The following ZNF322 variants were observed in gnomAD, a reference collection of about 807,000 sequenced individuals.
ZNF322 encodes the protein zinc finger protein 322.
In ZNF322, 1 loss-of-function variant was observed where a neutral mutation model predicts 18.3. The ratio of observed to expected loss-of-function variants is 0.05; its 90% CI spans 0.02 to 0.26. The LOEUF (loss-of-function observed/expected upper bound fraction) is 0.26, where lower values mean the gene tolerates loss of function less well. Among genes scored for constraint, ZNF322 ranks in the 10% least tolerant of loss-of-function variants. The probability of loss-of-function intolerance (pLI) is 1.00; values close to 1 mark genes in which losing one functional copy is unlikely to be tolerated. For synonymous variants in ZNF322, 17 were observed against 130.7 expected, an observed-to-expected ratio of 0.13 and a Z score of 5.93; for missense variants, 36 against 403.6, an observed-to-expected ratio of 0.09 and a Z score of 7.80.
chr6:26,643,519 T>C (rs1481615797), intron 3 of ZNF322, 140 bp downstream of exon 3: 1 of 152,260 alleles, frequency 6.6e-6, no homozygotes, highest in Non-Finnish European at 1.5e-5. Flanking sequence ...TGAGTACATG[T>C]ATGAATTCTC....
chr6:26,644,293 T>G (rs966192941), intron 2 of ZNF322, among the ~76,000 whole-genome samples: 1 of 152,204 alleles, frequency 6.6e-6, no homozygotes, highest in African/African-American at 2.4e-5. Context: ...TCTAGAAGTT[T>G]TAACCTGCCT....
At chr6:26,651,758 C>T (rs968297290) in intron 2 of ZNF322, among the ~76,000 whole-genome samples, 4 of 152,094 alleles carry the variant, frequency 2.6e-5, no homozygotes, top group African/African-American at 9.7e-5. Context: ...GAATCAGATA[C>T]CTAAGTATAA....
At chr6:26,652,644 C>T (rs1379340961) in intron 2 of ZNF322, among the ~76,000 whole-genome samples, 1 of 151,738 alleles carries the variant, frequency 6.6e-6, no homozygotes, top group South Asian at 2.1e-4. Context: ...GAGCTGAGAT[C>T]GCACCATTGC....
In ZNF322 at chr6:26,638,490, G is replaced by T; in HGVS notation, c.64C>A (p.Pro22Thr). The change falls in exon 4 of 4, where the codon CCT becomes ACT. Residue 22 changes from proline (P) to threonine (T), a missense_variant. Physicochemically the swap from Pro to Thr is conservative, Grantham distance 38. Transcript: ENST00000415922. ...ATAAAAATCTTTTTACCCTTCCGAG[G>T]GCATACATTATATATTTTCCTTTTT... ...TQKRKIYNVC[P>T]RKGKKIFIHM... The T allele has an allele frequency of 6.2e-7, 1 of 1,611,036 alleles. No homozygotes were observed. Among genetic ancestry groups the T allele is most frequent in the Non-Finnish European group, 8.5e-7 (1 of 1,178,286 alleles).
intron 3 of ZNF322, among the ~76,000 whole-genome samples, chr6:26,642,809 C>T (rs1554148434): frequency 6.6e-6 from 1 of 152,222 alleles, no homozygotes; most frequent in East Asian, 1.9e-4. Flanking sequence ...CTCCACCTAT[C>T]ACCTGCCTCA....
chr6:26,641,149 G>A (rs148751609), intron 3 of ZNF322, among the ~76,000 whole-genome samples: 1 of 151,900 alleles, frequency 6.6e-6, no homozygotes, highest in East Asian at 1.9e-4. Context: ...CTTTCCTTGC[G>A]AAAGGCACAG....
At chr6:26,659,212 T>C (rs1176503842) in intron 1 of ZNF322, among the ~76,000 whole-genome samples, 1 of 152,246 alleles carries the variant, frequency 6.6e-6, no homozygotes, top group Non-Finnish European at 1.5e-5. Context: ...AAAGATTATA[T>C]TGCTTTGAAA....
intron 2 of ZNF322, among the ~76,000 whole-genome samples, chr6:26,648,117 T>C (rs951472819): frequency 3.3e-5 from 5 of 152,242 alleles, no homozygotes; most frequent in South Asian, 2.1e-4. Flanking sequence ...CATGACCAAG[T>C]GGAATTTTTG....
chr6:26,651,853 G>A (rs1765675833), intron 2 of ZNF322, among the ~76,000 whole-genome samples: 1 of 152,102 alleles, frequency 6.6e-6, no homozygotes, highest in Non-Finnish European at 1.5e-5. Context: ...ATATTTTTGG[G>A]ATGGGTCTCG....
intron 2 of ZNF322, among the ~76,000 whole-genome samples, chr6:26,652,802 AT>A (rs1765695391): frequency 6.6e-6 from 1 of 152,140 alleles, no homozygotes; most frequent in African/African-American, 2.4e-5. Context: ...AAGTTCACTG[AT>A]TGTAAGAAAT....
At position 26,643,706 on chromosome 6, in the gene ZNF322, G is replaced by C. The variant is rs946901232; in HGVS notation, c.-223C>G. 1 of 160,266 alleles carries C rather than the reference G, an allele frequency of 6.2e-6. No homozygotes were observed. The allele number at this position is 160,266 out of a possible 1,614,324, so 9.9% of individuals were successfully genotyped here. ...CATACATTCCTGATCCTGACAATTTGACTTCTCAAAGAAGATAGCATTCTG... is the reference window on the plus strand; with the variant it reads ...CATACATTCCTGATCCTGACAATTTCACTTCTCAAAGAAGATAGCATTCTG... On this transcript the variant is annotated 5_prime_UTR_variant, in exon 3 of 4. Coordinates refer to ENST00000415922, the MANE Select transcript of ZNF322 (RefSeq NM_024639.5).
intron 2 of ZNF322, among the ~76,000 whole-genome samples, chr6:26,650,234 ATAAT>A (rs1313421036): frequency 6.6e-6 from 1 of 152,200 alleles, no homozygotes; most frequent in Non-Finnish European, 1.5e-5. Context: ...GTTCAATCTC[ATAAT>A]TAGAGAAATG....
chr6:26,649,641 G>A (rs374366732), intron 2 of ZNF322, among the ~76,000 whole-genome samples: 6 of 20,808 alleles, frequency 2.9e-4, no homozygotes, highest in East Asian at 1.1e-3. Context: ...ATACATATGT[G>A]TGTGTGTGTG....
chr6:26,644,142 C>T (rs1447648189), intron 2 of ZNF322, among the ~76,000 whole-genome samples: 9 of 152,188 alleles, frequency 5.9e-5, no homozygotes, highest in Admixed American at 2.6e-4. Flanking sequence ...CTGCAACCCA[C>T]GTAATCATCA....
intron 3 of ZNF322, among the ~76,000 whole-genome samples, chr6:26,643,248 T>C (rs1305414078): frequency 2.0e-5 from 3 of 152,178 alleles, no homozygotes; most frequent in Admixed American, 6.5e-5. Flanking sequence ...TCAAAGACTA[T>C]TTTTTCAGAT....
At chr6:26,655,667 C>T (rs1241027546) in intron 2 of ZNF322, among the ~76,000 whole-genome samples, 4 of 152,164 alleles carry the variant, frequency 2.6e-5, no homozygotes, top group African/African-American at 9.7e-5. Context: ...ATCCCCAATT[C>T]AATGATGTCG....
At chr6:26,649,885 T>C (rs1291885878) in intron 2 of ZNF322, among the ~76,000 whole-genome samples, 2 of 150,968 alleles carry the variant, frequency 1.3e-5, no homozygotes, top group Non-Finnish European at 3.0e-5. Flanking sequence ...GTATTTTTAG[T>C]AGAGACGGGG....
At chr6:26,646,190 T>A (rs12212145) in intron 2 of ZNF322, among the ~76,000 whole-genome samples, 11,268 of 152,038 alleles carry the variant, frequency 0.074, 706 homozygotes, top group Non-Finnish European at 0.097. Flanking sequence ...GTTATAACAA[T>A]ATGACATTGT....
At chr6:26,656,695 T>G (rs191157086) in intron 2 of ZNF322, among the ~76,000 whole-genome samples, 7 of 152,250 alleles carry the variant, frequency 4.6e-5, no homozygotes, top group Admixed American at 4.6e-4. Flanking sequence ...TTTTAAAATT[T>G]GTATTAGTGT....
Sources: allele counts gnomAD v4.1 joint callset (sites outside exome capture counted in the v4.1 genomes callset), GRCh38; gene constraint gnomAD v4.1.1; transcripts MANE v1.5; gene names NCBI Gene and HGNC (gene_info 2026-07-23, HGNC 2026-07-21).